GPM6B: variants seen among roughly 807,000 people sequenced by gnomAD.
The protein encoded by GPM6B is glycoprotein M6B.
Under a neutral mutation model 27.2 loss-of-function variants are expected in GPM6B, and 4 were observed. The ratio of observed to expected loss-of-function variants is 0.15; its 90% confidence interval spans 0.07 to 0.34. GPM6B has a LOEUF of 0.34. Ranked by LOEUF, GPM6B falls within the 10% of genes least tolerant of loss-of-function variation. The pLI, the probability that GPM6B is intolerant of heterozygous loss-of-function variation, is 1.00. For synonymous variants in GPM6B, 124 were observed against 103.1 expected, an observed-to-expected ratio of 1.20 and a Z score of -1.23; for missense variants, 183 against 261.9, an observed-to-expected ratio of 0.70 and a Z score of 2.08.
At chrX:13,808,326 T>C (rs2049061960) in intron 1 of GPM6B, among the ~76,000 whole-genome samples, 1 of 112,352 alleles carries the variant, frequency 8.9e-6, no homozygotes, top group Non-Finnish European at 1.9e-5. Context: ...TAGAATGTTC[T>C]GGATTAAATC....
At chrX:13,804,887 T>C (rs2048994169) in intron 2 of GPM6B, among the ~76,000 whole-genome samples, 1 of 110,736 alleles carries the variant, frequency 9.0e-6, no homozygotes, top group Non-Finnish European at 1.9e-5. Flanking sequence ...GATCTAAGTA[T>C]AGAATGGCAA....
At chrX:13,774,649 C>G in intron 7 of GPM6B, 2 of 1,115,827 alleles carry the variant, frequency 1.8e-6, no homozygotes, top group African/African-American at 1.8e-5. Context: ...CAAAACAGGA[C>G]AGTAAGATAC....
chrX:13,857,270 G>A (rs1395260412), intron 1 of GPM6B, among the ~76,000 whole-genome samples: 4 of 111,734 alleles, frequency 3.6e-5, no homozygotes, highest in Non-Finnish European at 7.5e-5. Context: ...ATCTAGGGGG[G>A]CCATTGTTCA....
At chrX:13,818,428 T>C (rs962743060), upstream of GPM6B, among the ~76,000 whole-genome samples, 1 of 112,671 alleles carries the variant, frequency 8.9e-6, no homozygotes, top group Non-Finnish European at 1.9e-5. Flanking sequence ...ATCAAAATCT[T>C]CTAAAAACCT....
At chrX:13,840,652 T>C (rs911686646) in intron 1 of GPM6B, among the ~76,000 whole-genome samples, 5 of 111,442 alleles carry the variant, frequency 4.5e-5, no homozygotes, top group Non-Finnish European at 9.4e-5. Context: ...CCCTGTGATC[T>C]ATCTGTGAAT....
chrX:13,787,431 C>T (rs1018197594), intron 2 of GPM6B, among the ~76,000 whole-genome samples: 2 of 111,610 alleles, frequency 1.8e-5, no homozygotes, highest in African/African-American at 6.5e-5. Flanking sequence ...TGGTGGGCAC[C>T]TGTAGTCCCA....
chrX:13,800,228 G>A (rs1477694157), intron 2 of GPM6B, among the ~76,000 whole-genome samples: 1 of 111,574 alleles, frequency 9.0e-6, no homozygotes, highest in Non-Finnish European at 1.9e-5. Context: ...GTGAGGAACT[G>A]AGGCCCTCAG....
chrX:13,785,227 AG>A (rs1247037883), intron 3 of GPM6B, among the ~76,000 whole-genome samples: 1 of 111,924 alleles, frequency 8.9e-6, no homozygotes, highest in Non-Finnish European at 1.9e-5. Context: ...ATCTTCTGCT[AG>A]GAAAGCACAC....
At position 13,884,757 on chromosome X, in the gene GPM6B, T is replaced by A. The variant is rs138045787; in HGVS notation, c.-198+53570A>T. Among the ~76,000 whole-genome samples, 789 of 111,925 alleles carry A rather than the reference T, an allele frequency of 7.0e-3. 12 individuals carry two copies. Among genetic ancestry groups the A allele is most frequent in the African/African-American group, 0.025 (758 of 30,785 alleles). ...CAGCATGTCATTAAGTGGGTTGAGT[T>A]TTCCCATAGACATCAGATAATTAAA... On this transcript the variant is annotated intron_variant, in intron 1 of 6. Coordinates refer to the GPM6B transcript ENST00000398361.
chrX:13,779,777 TAATGA>T, intron 5 of GPM6B, 36 bp downstream of exon 5: 1 of 1,077,540 alleles, frequency 9.3e-7, no homozygotes, highest in East Asian at 3.1e-5. Context: ...CACGAGAGGA[TAATGA>T]AATAACTGGG....
intron 1 of GPM6B, among the ~76,000 whole-genome samples, chrX:13,878,232 T>C (rs769678705): frequency 2.6e-4 from 28 of 108,995 alleles, no homozygotes; most frequent in Non-Finnish European, 1.1e-4. Context: ...TGGGGGAAAA[T>C]AGTAACTGAT....
intron 7 of GPM6B, chrX:13,774,452 C>G: frequency 8.6e-7 from 1 of 1,162,086 alleles, no homozygotes; most frequent in Non-Finnish European, 1.1e-6. Flanking sequence ...ATTACTGTAA[C>G]AAAATTGCAG....
intron 5 of GPM6B, among the ~76,000 whole-genome samples, chrX:13,778,828 A>C (rs967392053): frequency 1.8e-5 from 2 of 112,317 alleles, no homozygotes; most frequent in African/African-American, 6.5e-5. Context: ...GCTCTATCAT[A>C]AAGAACAGTG....
rs769621388 is a variant in GPM6B at position 13,841,839 on chromosome X, C to A, written c.-197-56031G>T. 2.7e-5 allele frequency among the ~76,000 whole-genome samples: 3 copies of A among 111,607 alleles called. No individual in the cohort carries two copies. In the South Asian group the frequency reaches 1.1e-3, roughly 42 times the overall value. On this transcript the variant is annotated intron_variant, in intron 1 of 6. Coordinates refer to the GPM6B transcript ENST00000398361. ...GGATTGCTGGACTCTCTGCCATGCTCACCCACCATGTTTCTCTTGGCTACC... is the reference window on the plus strand; with the variant it reads ...GGATTGCTGGACTCTCTGCCATGCTAACCCACCATGTTTCTCTTGGCTACC...
At chrX:13,865,559 A>AAG (rs1555923733) in intron 1 of GPM6B, among the ~76,000 whole-genome samples, 1 of 52,929 alleles carries the variant, frequency 1.9e-5, no homozygotes, top group Non-Finnish European at 3.6e-5. Context: ...AAAAAAAAAA[A>AAG]AAAGAAAGAA....
intron 1 of GPM6B, among the ~76,000 whole-genome samples, chrX:13,838,305 T>G (rs181114409): frequency 3.8e-4 from 42 of 111,839 alleles, no homozygotes; most frequent in African/African-American, 1.3e-3. Flanking sequence ...TGCGATGTTT[T>G]TGAAAGGTCA....
intron 1 of GPM6B, among the ~76,000 whole-genome samples, chrX:13,884,810 TAA>T (rs962580849): frequency 3.1e-4 from 35 of 111,617 alleles, no homozygotes; most frequent in African/African-American, 1.1e-3. Flanking sequence ...GGACTCCAGA[TAA>T]AAGAGACAAA....
intron 3 of GPM6B, among the ~76,000 whole-genome samples, chrX:13,784,927 G>C (rs887588486): frequency 9.0e-6 from 1 of 111,518 alleles, no homozygotes; most frequent in African/African-American, 3.3e-5. Flanking sequence ...TCCTCAACAG[G>C]GCTCCTACCA....
intron 1 of GPM6B, among the ~76,000 whole-genome samples, chrX:13,853,699 A>G (rs1047438418): frequency 3.7e-5 from 4 of 109,451 alleles, no homozygotes; most frequent in Non-Finnish European, 7.6e-5. Flanking sequence ...GCATGGGCAC[A>G]CTTTGCCCCT....
Sources: allele counts gnomAD v4.1 joint callset (sites outside exome capture counted in the v4.1 genomes callset), GRCh38; gene constraint gnomAD v4.1.1; transcripts MANE v1.5; gene names NCBI Gene and HGNC (gene_info 2026-07-23, HGNC 2026-07-21).